The following PAG1 variants were observed in gnomAD, a reference collection of about 807,000 sequenced individuals.
The protein encoded by PAG1 is phosphoprotein associated with glycosphingolipid-enriched microdomains 1.
PAG1 carries 23 observed loss-of-function variants against 31.7 expected under a neutral mutation model. The ratio of observed to expected loss-of-function variants is 0.73; its 90% CI spans 0.52 to 1.03. PAG1 has a LOEUF of 1.03. Ranked by LOEUF, PAG1 falls within the 50% of genes least tolerant of loss-of-function variation. The pLI is 0.00. For synonymous variants in PAG1, 214 were observed against 210.3 expected (o/e 1.02, Z -0.15); for missense variants, 473 against 540.7 (o/e 0.87, Z 1.24).
chr8:81,020,755 C>T (rs185859720), intron 3 of PAG1, among the ~76,000 whole-genome samples: 56 of 152,112 alleles, frequency 3.7e-4, no homozygotes, highest in African/African-American at 9.4e-4. Flanking sequence ...TCAAAAGTGC[C>T]GAAAATGATG....
chr8:81,094,059 C>T (rs1052494777), intron 1 of PAG1, among the ~76,000 whole-genome samples: 63 of 152,174 alleles, frequency 4.1e-4, no homozygotes, highest in African/African-American at 1.4e-3. Flanking sequence ...TGCGGTAGGG[C>T]TCACTGCGGT....
chr8:81,065,222 T>A (rs995583661), intron 2 of PAG1, among the ~76,000 whole-genome samples: 3 of 152,252 alleles, frequency 2.0e-5, no homozygotes, highest in Non-Finnish European at 2.9e-5. Flanking sequence ...TGCAATGTTT[T>A]CACAGAGAAG....
At chr8:80,983,463 G>A (rs373205679) in intron 7 of PAG1, among the ~76,000 whole-genome samples, 112 of 152,314 alleles carry the variant, frequency 7.4e-4, no homozygotes, top group African/African-American at 2.6e-3. Flanking sequence ...TCCAGGACTA[G>A]AAGACTGTGT....
intron 3 of PAG1, among the ~76,000 whole-genome samples, chr8:81,000,353 G>A (rs1807762514): frequency 6.6e-6 from 1 of 152,180 alleles, no homozygotes; most frequent in South Asian, 2.1e-4. Context: ...AGGAAGGGAA[G>A]GAGAGTAATA....
chr8:81,048,772 G>C (rs1362557522), intron 2 of PAG1, among the ~76,000 whole-genome samples: 1 of 152,140 alleles, frequency 6.6e-6, no homozygotes, highest in African/African-American at 2.4e-5. Context: ...TTTATTAGAT[G>C]ATCTTAAAAG....
At chr8:81,055,521 G>C (rs1808805235) in intron 2 of PAG1, among the ~76,000 whole-genome samples, 1 of 151,956 alleles carries the variant, frequency 6.6e-6, no homozygotes, top group African/African-American at 2.4e-5. Context: ...GATGGGGATG[G>C]CATTGAATCT....
rs1481410867 is a variant in PAG1, at chr8:80,972,069, A to T, written c.*4475T>A. The T allele has an allele frequency of 6.6e-6, 1 of 152,254 alleles. No homozygotes were observed. The highest frequency in any genetic ancestry group is 1.5e-5 in the Non-Finnish European group (1 of 68,040). The allele number at this position is 152,254 out of a possible 1,614,324, so 9.4% of individuals were successfully genotyped here. On this transcript the variant is annotated 3_prime_UTR_variant, in exon 9 of 9. Transcript: ENST00000220597. ...TACTACTGTAGAATAAGGAATTTAG[A>T]TTTCACTGCAAATAAAGCCATATTT...
At chr8:81,021,632 T>C (rs1808173785) in intron 3 of PAG1, among the ~76,000 whole-genome samples, 1 of 151,536 alleles carries the variant, frequency 6.6e-6, no homozygotes. Flanking sequence ...GGCAAAATCC[T>C]ACAAATTACA....
chr8:80,983,200 TC>T (rs1239664548), intron 7 of PAG1, among the ~76,000 whole-genome samples: 1 of 152,142 alleles, frequency 6.6e-6, no homozygotes, highest in Non-Finnish European at 1.5e-5. Context: ...ACACTGGGCA[TC>T]CCCTCTGCTT....
At chr8:81,058,889 C>T (rs904825428) in intron 2 of PAG1, among the ~76,000 whole-genome samples, 6 of 152,142 alleles carry the variant, frequency 3.9e-5, no homozygotes, top group Non-Finnish European at 7.4e-5. Flanking sequence ...AGAGCAAGAT[C>T]CTGTCTCAAA....
At chr8:81,023,918 C>T (rs374288159) in intron 3 of PAG1, among the ~76,000 whole-genome samples, 1 of 152,114 alleles carries the variant, frequency 6.6e-6, no homozygotes, top group Non-Finnish European at 1.5e-5. Context: ...AAATGATAAT[C>T]GTCACAACAT....
In PAG1 at chr8:80,976,530, T is replaced by C. The variant is rs771445667; in HGVS notation, c.*14A>G. ...ACACTGATCACAGGCTACCCAGGGT[T>C]GTCTTCTGGGTTGCTAGAGCCTGGT... On this transcript the variant is annotated 3_prime_UTR_variant, in exon 9 of 9. Coordinates refer to ENST00000220597, the MANE Select transcript of PAG1 (RefSeq NM_018440.4). 5 of 1,597,174 alleles carry C rather than the reference T, an allele frequency of 3.1e-6. No individual in the cohort carries two copies. The South Asian group carries it at 3.4e-5, about 11-fold the overall frequency.
chr8:81,058,108 A>G (rs999119265), intron 2 of PAG1, among the ~76,000 whole-genome samples: 7 of 152,172 alleles, frequency 4.6e-5, no homozygotes, highest in Admixed American at 6.5e-5. Flanking sequence ...TGGTGCATAT[A>G]TAGGAATTGT....
intron 1 of PAG1, among the ~76,000 whole-genome samples, chr8:81,072,903 C>T (rs767738651): frequency 6.6e-6 from 1 of 152,188 alleles, no homozygotes; most frequent in Non-Finnish European, 1.5e-5. Context: ...GTGCTTTTCC[C>T]TCTGCATCAC....
At chr8:81,063,080 T>C (rs1176754113) in intron 2 of PAG1, among the ~76,000 whole-genome samples, 1 of 152,200 alleles carries the variant, frequency 6.6e-6, no homozygotes, top group Admixed American at 6.5e-5. Flanking sequence ...TTCTTAGTCA[T>C]GAATAACTAT....
intron 1 of PAG1, among the ~76,000 whole-genome samples, chr8:81,099,880 C>T (rs1352599772): frequency 6.6e-6 from 1 of 152,122 alleles, no homozygotes; most frequent in Admixed American, 6.5e-5. Context: ...AACTAGAACT[C>T]GATGAAGATG....
intron 1 of PAG1, among the ~76,000 whole-genome samples, chr8:81,095,946 G>A (rs1042569630): frequency 1.7e-4 from 26 of 152,152 alleles, no homozygotes; most frequent in African/African-American, 4.3e-4. Flanking sequence ...TTCTGTAAAC[G>A]GACTCCATTA....
At chr8:80,981,040 A>G (rs1340231536) in intron 7 of PAG1, among the ~76,000 whole-genome samples, 1 of 152,094 alleles carries the variant, frequency 6.6e-6, no homozygotes, top group African/African-American at 2.4e-5. Flanking sequence ...TGACCTCAAC[A>G]AACGTGTACC....
intron 3 of PAG1, among the ~76,000 whole-genome samples, chr8:80,998,126 T>A (rs1396235071): frequency 8.2e-6 from 1 of 122,338 alleles, no homozygotes; most frequent in Non-Finnish European, 1.6e-5. Flanking sequence ...ACAGCAGGTG[T>A]CCTTTTTTTT....
Sources: allele counts gnomAD v4.1 joint callset (sites outside exome capture counted in the v4.1 genomes callset), GRCh38; gene constraint gnomAD v4.1.1; transcripts MANE v1.5; gene names NCBI Gene and HGNC (gene_info 2026-07-23, HGNC 2026-07-21).